FES: variants seen among roughly 807,000 people sequenced by gnomAD.
The protein encoded by FES is FES proto-oncogene, tyrosine kinase.
Under a neutral mutation model 109.6 loss-of-function variants are expected in FES, and 83 were observed. That is an observed-to-expected ratio of 0.76 (90% CI 0.63 to 0.91). The LOEUF is 0.91. Among genes scored for constraint, FES ranks in the 40% least tolerant of loss-of-function variants. The pLI is 0.00. For missense variants in FES, 943 were observed against 1,070.9 expected (o/e 0.88, Z 1.67); for synonymous variants, 458 against 442.1 (o/e 1.04, Z -0.45).
chr15:90,891,805 T>C, intron 12 of FES, 129 bp downstream of exon 12: 1 of 1,379,726 alleles, frequency 7.2e-7, no homozygotes, highest in Non-Finnish European at 9.9e-7. Flanking sequence ...GCAGAGTGAG[T>C]GACCCTCAGG....
chr15:90,889,237 C>G lies in FES; in HGVS notation c.669-69C>G, dbSNP rs1206348193. On this transcript the variant is annotated intron_variant, in intron 5 of 18. Transcript: ENST00000328850. The surrounding 1 kb of genome is among the most constrained non-coding windows in gnomAD (Gnocchi z 6.1). ...CAGCCCTGACTCCAAACCCAGGGTCCTAGGCCTGAACTGCCCAGCCTTGCC... is the reference window on the plus strand; with the variant it reads ...CAGCCCTGACTCCAAACCCAGGGTCGTAGGCCTGAACTGCCCAGCCTTGCC... 6.3e-7 allele frequency: 1 copy of G among 1,589,480 alleles called. No homozygotes were observed.
At chr15:90,887,395 GCCCCCACCCTT>G in intron 5 of FES, 25 bp downstream of exon 5, 3 of 1,586,062 alleles carry the variant, frequency 1.9e-6, no homozygotes, top group Non-Finnish European at 2.6e-6. Flanking sequence ...CCGTCCCCTG[GCCCCCACCCTT>G]GAGCAGCCCT....
intron 14 of FES, 58 bp downstream of exon 14, chr15:90,892,883 G>C: frequency 6.6e-7 from 1 of 1,526,544 alleles, no homozygotes; most frequent in Non-Finnish European, 9.0e-7. Context: ...TACACTGCAT[G>C]GCACAGTGTG....
In FES at chr15:90,885,268, T is replaced by C; in HGVS notation, c.213+10T>C. ...CAGCCCCATCAGTCAGGTGGGTCTCTATGGGACTCTGGTGGGTGCTGGCTG... is the reference window on the plus strand; with the variant it reads ...CAGCCCCATCAGTCAGGTGGGTCTCCATGGGACTCTGGTGGGTGCTGGCTG... On this transcript the variant is annotated intron_variant, in intron 2 of 18. Coordinates refer to ENST00000328850, the MANE Select transcript of FES (RefSeq NM_002005.4). 6.2e-7 allele frequency: 1 copy of C among 1,607,932 alleles called. No individual in the cohort carries two copies. Among genetic ancestry groups the C allele is most frequent in the Non-Finnish European group, 8.5e-7 (1 of 1,178,150 alleles).
chr15:90,884,973 C>G, intron 1 of FES, 64 bp from the exon 2 acceptor site: 2 of 1,371,694 alleles, frequency 1.5e-6, no homozygotes, highest in Non-Finnish European at 1.0e-6. Context: ...CCAGTCTCCT[C>G]GTCCCATGCC....
Position 90,895,529 on chromosome 15 carries a change from C to T in FES, c.2440C>T (p.Leu814=), listed in dbSNP as rs1448273773. The T allele has an allele frequency of 1.3e-6, 2 of 1,593,962 alleles. No homozygotes were observed. Among genetic ancestry groups the T allele is most frequent in the Admixed American group, 3.5e-5 (2 of 57,582 alleles). ...RPSFSTIYQE[L]QSIRKRHR is the part of the protein sequence containing the mutation. ...CAGCTTCAGCACCATCTACCAGGAG[C>T]TGCAGAGCATCCGAAAGCGGCATCG... is the stretch of plus-strand genomic sequence containing the variant. Residue 814 remains leucine (L), a synonymous_variant, in exon 19 of 19, where the codon CTG becomes TTG. Transcript: ENST00000328850.
chr15:90,890,254 T>C lies in FES; in HGVS notation c.1212T>C (p.Asp404=). ...GEPPPVLLLQ[D]DRHSTSSSEQ... is the part of the protein sequence containing the mutation. ...CCCCGCCTGTGCTGCTCCTGCAGGA[T>C]GACCGCCACTCCACGTCGTCCTCGG... The change falls in exon 9 of 19, where the codon GAT becomes GAC. Residue 404 remains aspartate (D), a synonymous_variant. Coordinates refer to ENST00000328850, the MANE Select transcript of FES (RefSeq NM_002005.4). 1 of 1,593,658 alleles carries C rather than the reference T, an allele frequency of 6.3e-7. No individual in the cohort carries two copies. Among genetic ancestry groups the C allele is most frequent in the Non-Finnish European group, 8.5e-7 (1 of 1,173,530 alleles).
chr15:90,888,298 G>A (rs1311537482), intron 5 of FES, among the ~76,000 whole-genome samples: 3 of 152,176 alleles, frequency 2.0e-5, no homozygotes, highest in Non-Finnish European at 4.4e-5. Flanking sequence ...TAGAGATGGG[G>A]TTTCACCATG....
chr15:90,887,155 G>C, intron 4 of FES, 32 bp from the exon 5 acceptor site: 1 of 1,612,130 alleles, frequency 6.2e-7, no homozygotes, highest in Non-Finnish European at 8.5e-7. Flanking sequence ...CCTCCATGCT[G>C]TCATCTATAC....
At chr15:90,893,263 G>C in intron 15 of FES, 28 bp from the exon 16 acceptor site, 1 of 1,611,634 alleles carries the variant, frequency 6.2e-7, no homozygotes, top group Non-Finnish European at 8.5e-7. Context: ...ACCTCAGGAG[G>C]CTCAGCAGGG....
chr15:90,894,981 C>T (rs1158271184), intron 18 of FES, among the ~76,000 whole-genome samples: 1 of 152,026 alleles, frequency 6.6e-6, no homozygotes, highest in African/African-American at 2.4e-5. Context: ...GCACAAGAAT[C>T]GCTTGAACCT....
rs2033464003 is a variant in FES at position 90,893,831 on chromosome 15, C to A, written c.2203+20C>A. The A allele has an allele frequency of 6.3e-7, 1 of 1,596,052 alleles. No homozygotes were observed. Among genetic ancestry groups the A allele is most frequent in the African/African-American group, 1.3e-5 (1 of 74,580 alleles). On this transcript the variant is annotated intron_variant, in intron 17 of 18. Coordinates refer to ENST00000328850, the MANE Select transcript of FES (RefSeq NM_002005.4). ...ACTACGGTACCTAGTCCCTGTCTACCCTGGACTCCATGGCCAGAGGCCAGG... is the reference window on the plus strand; with the variant it reads ...ACTACGGTACCTAGTCCCTGTCTACACTGGACTCCATGGCCAGAGGCCAGG...
Position 90,892,700 on chromosome 15 carries a change from G to T in FES, c.1708-7G>T. On this transcript the variant is annotated splice_polypyrimidine_tract_variant and splice_region_variant and intron_variant, in intron 13 of 18. Transcript: ENST00000328850. ...AAGGCCGTGGTAGGAGCCCAAGACC[G>T]TTTCAGGGGAACTTTGGCGAAGTGT... The T allele has an allele frequency of 6.2e-7, 1 of 1,600,712 alleles. No individual in the cohort carries two copies. The highest frequency in any genetic ancestry group is 8.5e-7 in the Non-Finnish European group (1 of 1,173,308).
chr15:90,890,011 A>G, intron 8 of FES, 49 bp downstream of exon 8: 2 of 1,596,170 alleles, frequency 1.3e-6, no homozygotes, highest in South Asian at 1.1e-5. Flanking sequence ...CCTCCCTCCT[A>G]CCTACCCTAA....
At chr15:90,888,605 T>C (rs2032888119) in intron 5 of FES, among the ~76,000 whole-genome samples, 1 of 151,804 alleles carries the variant, frequency 6.6e-6, no homozygotes, top group Non-Finnish European at 1.5e-5. Context: ...GATTTCCCTA[T>C]GGATTGGAAG....
Position 90,887,274 on chromosome 15 carries a change from G to A in FES, c.572G>A (p.Arg191Gln), listed in dbSNP as rs779391057. 6.8e-6 allele frequency: 11 copies of A among 1,613,276 alleles called. No individual in the cohort carries two copies. Among genetic ancestry groups the A allele is most frequent in the South Asian group, 4.4e-5 (4 of 91,086 alleles). ...CACAACCGCTATGTGCTGGGCGTGC[G>A]GGCTGCGCAGCTACACCACCAGCAC... ...AHHNRYVLGV[R>Q]AAQLHHQHHH... Residue 191 changes from arginine (R) to glutamine (Q), a missense_variant, in exon 5 of 19, where the codon CGG (arginine) becomes CAG (glutamine). Coordinates refer to ENST00000328850, the MANE Select transcript of FES (RefSeq NM_002005.4).
rs1189389180 is a variant in FES at position 90,889,391 on chromosome 15, G to A, written c.754G>A (p.Ala252Thr). The A allele has an allele frequency of 3.1e-6, 5 of 1,614,082 alleles. No homozygotes were observed. The highest frequency in any genetic ancestry group is 4.2e-6 in the Non-Finnish European group (5 of 1,180,024). Reference sequence around the variant, plus strand: ...CATTCACCGGGAGATGGCTGCAGCTGCTGCCCGCATCCAGCCTGAGGCTGA... The same window carrying A: ...CATTCACCGGGAGATGGCTGCAGCTACTGCCCGCATCCAGCCTGAGGCTGA... ...VAIHREMAAA[A>T]ARIQPEAEYQ... Residue 252 changes from alanine to threonine, a missense_variant, in exon 6 of 19, where the codon GCT becomes ACT. Transcript: ENST00000328850. This position sits in a 1 kb window ranked among gnomAD's most constrained non-coding sequence, Gnocchi z 6.1.
In FES at chr15:90,889,438, G is replaced by T; in HGVS notation, c.801G>T (p.Gln267His). 1 of 1,614,052 alleles carries T rather than the reference G, an allele frequency of 6.2e-7. No homozygotes were observed. The highest frequency in any genetic ancestry group is 8.5e-7 in the Non-Finnish European group (1 of 1,180,008). ...CTGAGTACCAAGGCTTCCTGCGACA[G>T]TATGGGTAAGCCCCGTCCTTGCTCC... ...PEAEYQGFLR[Q>H]YGSAPDVPPC... The change falls in exon 6 of 19, where the codon CAG (glutamine) becomes CAT (histidine). Residue 267 changes from glutamine (Q) to histidine (H), a missense_variant. Gln to His is a conservative substitution (Grantham distance 24). Transcript: ENST00000328850. The surrounding 1 kb of genome is among the most constrained non-coding windows in gnomAD (Gnocchi z 6.1).
At position 90,889,565 on chromosome 15, in the gene FES, TGAG is replaced by T; in HGVS notation, c.860_862del (p.Glu287del). On this transcript the variant is annotated inframe_deletion, in exon 7 of 19. Coordinates refer to ENST00000328850, the MANE Select transcript of FES (RefSeq NM_002005.4). This position sits in a 1 kb window ranked among gnomAD's most constrained non-coding sequence, Gnocchi z 6.1. ...GTGTCACGTTCGATGAGTCACTGCTTGAGGAGGGTGAACCGCTGGAGCCTGGGG... is the reference window on the plus strand; with the variant it reads ...GTGTCACGTTCGATGAGTCACTGCTTGAGGGTGAACCGCTGGAGCCTGGGG... 1 of 1,613,684 alleles carries T rather than the reference TGAG, an allele frequency of 6.2e-7. No homozygotes were observed. The highest frequency in any genetic ancestry group is 8.5e-7 in the Non-Finnish European group (1 of 1,179,954).
Sources: gnomAD v4.1 joint callset for allele counts (sites outside exome capture counted in the v4.1 genomes callset) on GRCh38, gnomAD v4.1.1 for gene constraint, Gnocchi (gnomAD v3.1) non-coding constraint, MANE v1.5 for transcripts, NCBI Gene and HGNC (gene_info 2026-07-23, HGNC 2026-07-21) for gene names.